Variants in RHOU observed in about 807,000 individuals in gnomAD.
RHOU encodes the protein ras homolog family member U.
In RHOU, 8 loss-of-function variants were observed where a neutral mutation model predicts 12.6. The ratio of observed to expected loss-of-function variants is 0.64; its 90% CI spans 0.37 to 1.15. RHOU has a LOEUF of 1.15. Ranked by LOEUF, RHOU falls within the 50% of genes most tolerant of loss-of-function variation. The probability of loss-of-function intolerance (pLI) is 0.01; values close to 1 mark genes in which losing one functional copy is unlikely to be tolerated. For missense variants in RHOU, 258 were observed against 347.0 expected (o/e 0.74, Z 2.04); for synonymous variants, 161 against 147.4 (o/e 1.09, Z -0.67).
chr1:228,742,718 C>T (rs1662749067), intron 2 of RHOU, among the ~76,000 whole-genome samples: 1 of 152,228 alleles, frequency 6.6e-6, no homozygotes, highest in Non-Finnish European at 1.5e-5. Context: ...TAGCATTACT[C>T]TGCGTTGCTG....
Position 228,743,844 on chromosome 1 carries a change from G to A in RHOU, c.*104G>A. ...ACTGCGTAGAACCTATATCGAGAGT[G>A]TGTGTATATGTATTATAGGAGGAGC... On this transcript the variant is annotated 3_prime_UTR_variant, in exon 3 of 3. Transcript: ENST00000366691. The surrounding 1 kb of genome is among the most constrained non-coding windows in gnomAD (Gnocchi z 5.1). The A allele has an allele frequency of 1.1e-6, 1 of 934,440 alleles. No homozygotes were observed. The highest frequency in any genetic ancestry group is 2.6e-5 in the East Asian group (1 of 38,372). 57.9% of individuals were successfully genotyped at this position (934,440 alleles called of 1,614,324 possible). A position where few individuals can be genotyped will look rare whatever the true frequency, so the allele number is the denominator to read the frequency against.
At chr1:228,650,274 G>A in the RHOU span, 24 of 462,540 alleles carry the variant, frequency 5.2e-5, no homozygotes, top group Admixed American at 9.3e-5. Context: ...TGGCGCCAGT[G>A]TGCAAGATGC....
the RHOU span, among the ~76,000 whole-genome samples, chr1:228,722,181 T>C: frequency 6.6e-5 from 10 of 152,378 alleles, no homozygotes; most frequent in East Asian, 1.2e-3. Flanking sequence ...GGTACCTGTA[T>C]AGATAAGCTC....
chr1:228,707,254 TA>T, the RHOU span, among the ~76,000 whole-genome samples: 951 of 28,554 alleles, frequency 0.033, 8 homozygotes, highest in East Asian at 0.17. Context: ...TATATATATA[TA>T]GTGTGTGTGT....
chr1:228,681,283 G>A, the RHOU span, among the ~76,000 whole-genome samples: 174 of 152,260 alleles, frequency 1.1e-3, no homozygotes, highest in Non-Finnish European at 2.0e-3. Context: ...AAACCAGACC[G>A]GGTGTGGGAA....
chr1:228,743,896 T>G lies in RHOU; in HGVS notation c.*156T>G, dbSNP rs1662774686. Reference sequence around the variant, plus strand: ...CTCAATTTTATGTATTCTTTCTGCCTTTAATTTTCTTGTTTGTTTGAGCTT... The same window carrying G: ...CTCAATTTTATGTATTCTTTCTGCCGTTAATTTTCTTGTTTGTTTGAGCTT... On this transcript the variant is annotated 3_prime_UTR_variant, in exon 3 of 3. Coordinates refer to ENST00000366691, the MANE Select transcript of RHOU (RefSeq NM_021205.6). This position sits in a 1 kb window ranked among gnomAD's most constrained non-coding sequence, Gnocchi z 5.1. 2 of 633,278 alleles carry G rather than the reference T, an allele frequency of 3.2e-6. No homozygotes were observed. The highest frequency in any genetic ancestry group is 1.8e-5 in the African/African-American group (1 of 54,162). 39.2% of individuals were successfully genotyped at this position (633,278 alleles called of 1,614,324 possible). A position where few individuals can be genotyped will look rare whatever the true frequency, so the allele number is the denominator to read the frequency against.
upstream of RHOU, among the ~76,000 whole-genome samples, chr1:228,734,190 C>CTT (rs5781517): frequency 9.5e-5 from 14 of 147,274 alleles, no homozygotes; most frequent in African/African-American, 2.5e-4. Context: ...GATTAAAATA[C>CTT]TTTTTTTTTT....
At chr1:228,658,517 GGCTGAT>G in the RHOU span, among the ~76,000 whole-genome samples, 2 of 152,128 alleles carry the variant, frequency 1.3e-5, no homozygotes, top group Non-Finnish European at 2.9e-5. Context: ...ACACTGAATG[GGCTGAT>G]GCCTTGATCT....
chr1:228,650,521 G>A, the RHOU span: 2 of 456,604 alleles, frequency 4.4e-6, no homozygotes, highest in Admixed American at 2.4e-5. Context: ...GAGCTGCCAC[G>A]GGCAGAAGCT....
the RHOU span, among the ~76,000 whole-genome samples, chr1:228,694,479 C>T: frequency 1.3e-5 from 2 of 152,104 alleles, no homozygotes; most frequent in South Asian, 2.1e-4. Flanking sequence ...TGCTCTCCCT[C>T]CCCTCCCCTC....
chr1:228,681,062 C>T, the RHOU span, among the ~76,000 whole-genome samples: 2 of 152,096 alleles, frequency 1.3e-5, no homozygotes, highest in Non-Finnish European at 2.9e-5. Flanking sequence ...TTAAGTCTCT[C>T]CAGGTTAAAC....
chr1:228,736,932 C>A, intron 1 of RHOU, among the ~76,000 whole-genome samples: 1 of 92,096 alleles, frequency 1.1e-5, no homozygotes, highest in African/African-American at 4.3e-5. Flanking sequence ...ATTGTTTCTT[C>A]CCCTCCCCCC....
intron 2 of RHOU, among the ~76,000 whole-genome samples, chr1:228,741,440 T>G (rs138527199): frequency 6.6e-6 from 1 of 152,246 alleles, no homozygotes; most frequent in Non-Finnish European, 1.5e-5. Context: ...GCCTTTATTT[T>G]TCTCAGTAAT....
At chr1:228,694,600 G>C in the RHOU span, among the ~76,000 whole-genome samples, 1 of 152,122 alleles carries the variant, frequency 6.6e-6, no homozygotes, top group Non-Finnish European at 1.5e-5. Context: ...GCATTACTTT[G>C]CTGAGTATAA....
rs1662836804 is a variant in RHOU, at chr1:228,746,527, C to G, written c.*2787C>G. 6.6e-6 allele frequency: 1 copy of G among 152,184 alleles called. No homozygotes were observed. The allele number at this position is 152,184 out of a possible 1,614,324, so 9.4% of individuals were successfully genotyped here. A position where few individuals can be genotyped will look rare whatever the true frequency, so the allele number is the denominator to read the frequency against. ...TACACAAGCCAAAATGGGAGCAAGG[C>G]CTTCTCTCCAGACTATCGTAACCTG... On this transcript the variant is annotated 3_prime_UTR_variant, in exon 3 of 3. Transcript: ENST00000366691.
the RHOU span, among the ~76,000 whole-genome samples, chr1:228,697,631 G>A: frequency 1.4e-4 from 21 of 152,284 alleles, no homozygotes; most frequent in African/African-American, 5.1e-4. Context: ...CCTTCTCTAA[G>A]ATGCTGAGAA....
chr1:228,736,369 G>A (rs947446254), intron 1 of RHOU, among the ~76,000 whole-genome samples: 2 of 152,036 alleles, frequency 1.3e-5, no homozygotes, highest in Admixed American at 1.3e-4. Context: ...AAAGTTTCCT[G>A]AGGGCGACGT....
chr1:228,667,781 A>T, the RHOU span, among the ~76,000 whole-genome samples: 2 of 152,194 alleles, frequency 1.3e-5, no homozygotes, highest in African/African-American at 4.8e-5. Context: ...GTCATACTTG[A>T]CTCACCAAGA....
the RHOU span, among the ~76,000 whole-genome samples, chr1:228,696,789 C>T: frequency 6.6e-6 from 1 of 152,124 alleles, no homozygotes; most frequent in Non-Finnish European, 1.5e-5. Flanking sequence ...TCAAGCGATC[C>T]ACCCGCCTCG....
Sources: allele counts gnomAD v4.1 joint callset (sites outside exome capture counted in the v4.1 genomes callset), GRCh38; gene constraint gnomAD v4.1.1; non-coding constraint Gnocchi (gnomAD v3.1); transcripts MANE v1.5; gene names NCBI Gene and HGNC (gene_info 2026-07-23, HGNC 2026-07-21).